Variants in SENP7 observed in about 807,000 individuals in gnomAD.
SENP7 encodes the protein SUMO specific peptidase 7, also known as sentrin-specific protease 7.
Under a neutral mutation model 141.2 loss-of-function variants are expected in SENP7, and 64 were observed. That is an observed-to-expected ratio of 0.45 (90% CI 0.37 to 0.56). The LOEUF is 0.56. SENP7 is among the 20% of genes least tolerant of loss of function. The pLI is 0.00. For missense variants in SENP7, 1,025 were observed against 1,212.2 expected (o/e 0.85, Z 2.29); for synonymous variants, 382 against 426.4 (o/e 0.90, Z 1.28).
chr3:101,383,990 T>C (rs2060580925), intron 6 of SENP7, among the ~76,000 whole-genome samples: 2 of 152,168 alleles, frequency 1.3e-5, no homozygotes, highest in Non-Finnish European at 1.5e-5. Flanking sequence ...CCAATAAGCG[T>C]GCACTTCCTA....
At chr3:101,376,569 G>T (rs1457266552) in intron 6 of SENP7, among the ~76,000 whole-genome samples, 3 of 151,860 alleles carry the variant, frequency 2.0e-5, no homozygotes, top group Non-Finnish European at 4.4e-5. Flanking sequence ...TCACTCATAG[G>T]TGGGAATTGA....
At chr3:101,451,099 T>G (rs149520523) in intron 4 of SENP7, among the ~76,000 whole-genome samples, 1 of 152,286 alleles carries the variant, frequency 6.6e-6, no homozygotes, top group Non-Finnish European at 1.5e-5. Flanking sequence ...TCTACGCGAA[T>G]AAACTAGAAA....
intron 4 of SENP7, among the ~76,000 whole-genome samples, chr3:101,455,645 GAAAAACC>G: frequency 6.6e-6 from 1 of 152,244 alleles, no homozygotes; most frequent in Admixed American, 6.5e-5. Flanking sequence ...CATTAAAAGA[GAAAAACC>G]AAACTGGTTC....
At chr3:101,457,366 C>A in intron 4 of SENP7, 1 of 1,408,398 alleles carries the variant, frequency 7.1e-7, no homozygotes, top group Non-Finnish European at 1.0e-6. Flanking sequence ...AAAGCTTCAG[C>A]CAGTCTGCTT....
chr3:101,373,294 A>C, intron 6 of SENP7, among the ~76,000 whole-genome samples: 1 of 151,994 alleles, frequency 6.6e-6, no homozygotes, highest in Non-Finnish European at 1.5e-5. Flanking sequence ...AAATCATTCC[A>C]CTCCTCAACC....
chr3:101,464,817 G>A (rs541304552), intron 3 of SENP7, among the ~76,000 whole-genome samples: 5 of 152,022 alleles, frequency 3.3e-5, no homozygotes, highest in African/African-American at 9.7e-5. Context: ...AAAGGTTGGG[G>A]ACCGCTGGCC....
intron 6 of SENP7, among the ~76,000 whole-genome samples, chr3:101,385,531 C>A (rs1379103720): frequency 6.6e-6 from 1 of 152,208 alleles, no homozygotes; most frequent in Admixed American, 6.5e-5. Context: ...TCTCCTGCAA[C>A]CCCGTCCAAC....
At chr3:101,379,037 C>T (rs1475370809) in intron 6 of SENP7, among the ~76,000 whole-genome samples, 2 of 152,082 alleles carry the variant, frequency 1.3e-5, no homozygotes, top group Non-Finnish European at 2.9e-5. Context: ...AAAACAGACA[C>T]ATAAACCAAC....
chr3:101,507,057 T>C (rs1392104223), intron 1 of SENP7, among the ~76,000 whole-genome samples: 4 of 100,826 alleles, frequency 4.0e-5, no homozygotes, highest in South Asian at 3.4e-4. Flanking sequence ...CAAGATCCCA[T>C]CTCAAAAAAA....
At chr3:101,348,073 A>C (rs775399618) in intron 12 of SENP7, 22 bp from the exon 13 acceptor site, 6 of 1,511,622 alleles carry the variant, frequency 4.0e-6, no homozygotes, top group Non-Finnish European at 5.3e-6. Context: ...AAAAGACAAC[A>C]ATTTAAAAAA....
chr3:101,446,003 T>G (rs2062876123), intron 4 of SENP7, among the ~76,000 whole-genome samples: 1 of 152,212 alleles, frequency 6.6e-6, no homozygotes, highest in Admixed American at 6.5e-5. Flanking sequence ...CATGTCATAT[T>G]GTAATCCCCA....
chr3:101,397,393 A>G (rs2061001359), intron 6 of SENP7, among the ~76,000 whole-genome samples: 1 of 152,196 alleles, frequency 6.6e-6, no homozygotes, highest in Non-Finnish European at 1.5e-5. Context: ...TCAGCCTCCC[A>G]AAGGGCTAGG....
At chr3:101,399,865 A>G (rs1399205124) in intron 5 of SENP7, among the ~76,000 whole-genome samples, 1 of 152,134 alleles carries the variant, frequency 6.6e-6, no homozygotes, top group Non-Finnish European at 1.5e-5. Context: ...GGCTCAAGCA[A>G]TCCTCCCACT....
chr3:101,461,090 T>C (rs2063529591), intron 3 of SENP7, among the ~76,000 whole-genome samples: 1 of 152,032 alleles, frequency 6.6e-6, no homozygotes, highest in Non-Finnish European at 1.5e-5. Context: ...AGACACTCAG[T>C]GTCATTAGTC....
chr3:101,400,704 A>G (rs75811614), intron 5 of SENP7, among the ~76,000 whole-genome samples: 3,558 of 138,164 alleles, frequency 0.026, 141 homozygotes, highest in African/African-American at 0.093. Context: ...CTATCCCCTG[A>G]GACACAGCAA....
chr3:101,439,580 C>T (rs199818539), intron 4 of SENP7, among the ~76,000 whole-genome samples: 1,221 of 31,132 alleles, frequency 0.039, no homozygotes, highest in Admixed American at 0.11. Flanking sequence ...CCAGCCGCCC[C>T]GTCCGGGAGG....
At chr3:101,422,701 C>G (rs1390271273) in intron 4 of SENP7, among the ~76,000 whole-genome samples, 1 of 151,846 alleles carries the variant, frequency 6.6e-6, no homozygotes, top group East Asian at 1.9e-4. Context: ...ATCATTGATC[C>G]ATATACTCAG....
At chr3:101,405,876 G>T (rs777983644) in intron 5 of SENP7, among the ~76,000 whole-genome samples, 2 of 152,018 alleles carry the variant, frequency 1.3e-5, no homozygotes, top group Non-Finnish European at 2.9e-5. Flanking sequence ...ATCCAACAAA[G>T]ACAAAGAAAA....
In SENP7 at chr3:101,341,627, A is replaced by G; in HGVS notation, c.2240+19T>C. 1 of 1,487,410 alleles carries G rather than the reference A, an allele frequency of 6.7e-7. No homozygotes were observed. The highest frequency in any genetic ancestry group is 9.1e-7 in the Non-Finnish European group (1 of 1,100,798). The allele number at this position is 1,487,410 out of a possible 1,614,324, so 92.1% of individuals were successfully genotyped here. On this transcript the variant is annotated intron_variant, in intron 15 of 23. Coordinates refer to ENST00000394095, the MANE Select transcript of SENP7 (RefSeq NM_020654.5). ...ACTAATATGCCCATCTACTACAAAC[A>G]TGCTATGACAGTACATACTTCTGAA...
Sources: allele counts gnomAD v4.1 joint callset (sites outside exome capture counted in the v4.1 genomes callset), GRCh38; gene constraint gnomAD v4.1.1; transcripts MANE v1.5; gene names NCBI Gene and HGNC (gene_info 2026-07-23, HGNC 2026-07-21).